CTNNA3: variants seen among roughly 807,000 people sequenced by gnomAD.
The protein encoded by CTNNA3 is catenin alpha-3.
A neutral mutation model predicts 95.7 loss-of-function variants in CTNNA3; 76 were observed. That is an observed-to-expected ratio of 0.79 (90% CI 0.66 to 0.96). The LOEUF (loss-of-function observed/expected upper bound fraction) is 0.96. Among genes scored for constraint, CTNNA3 ranks in the 40% least tolerant of loss-of-function variants. CTNNA3 has a pLI of 0.00. For synonymous variants in CTNNA3, 431 were observed against 374.4 expected (o/e 1.15, Z -1.74); for missense variants, 1,191 against 1,089.8 (o/e 1.09, Z -1.31).
At chr10:67,286,306 C>T (rs1589127030) in intron 5 of CTNNA3, among the ~76,000 whole-genome samples, 1 of 152,266 alleles carries the variant, frequency 6.6e-6, no homozygotes, top group South Asian at 2.1e-4. Context: ...TTTTAAATGA[C>T]CATGTGTGGG....
At chr10:67,749,331 C>T (rs1350344628) in intron 1 of CTNNA3, among the ~76,000 whole-genome samples, 1 of 152,182 alleles carries the variant, frequency 6.6e-6, no homozygotes, top group African/African-American at 2.4e-5. Context: ...ATCTACAGAA[C>T]TCTCCATCCA....
At chr10:66,501,286 T>C (rs369311026) in intron 11 of CTNNA3, among the ~76,000 whole-genome samples, 1 of 152,178 alleles carries the variant, frequency 6.6e-6, no homozygotes, top group Non-Finnish European at 1.5e-5. Flanking sequence ...ATTGCCAATA[T>C]ATGAAATAGT....
At chr10:66,640,660 T>C (rs17274526) in intron 9 of CTNNA3, among the ~76,000 whole-genome samples, 18,980 of 152,148 alleles carry the variant, frequency 0.12, 1,338 homozygotes, top group Middle Eastern at 0.23. Context: ...AACAGAATAC[T>C]CATTTTTTCG....
chr10:66,143,743 C>T (rs527652115), intron 13 of CTNNA3, among the ~76,000 whole-genome samples: 5 of 152,190 alleles, frequency 3.3e-5, no homozygotes, highest in South Asian at 2.1e-4. Flanking sequence ...ATACCTTAAC[C>T]GCAGGTGGTC....
intron 5 of CTNNA3, among the ~76,000 whole-genome samples, chr10:67,470,337 T>C (rs984080198): frequency 6.6e-6 from 1 of 152,210 alleles, no homozygotes; most frequent in East Asian, 1.9e-4. Context: ...ATTTTCTTTA[T>C]CCATTCATCT....
chr10:67,686,686 C>T (rs1840738286), intron 1 of CTNNA3, among the ~76,000 whole-genome samples: 1 of 152,156 alleles, frequency 6.6e-6, no homozygotes. Context: ...TACCTGTAAA[C>T]AGTGAGGCCA....
At chr10:67,220,537 C>T (rs990643917) in intron 5 of CTNNA3, among the ~76,000 whole-genome samples, 6 of 151,886 alleles carry the variant, frequency 4.0e-5, no homozygotes, top group Non-Finnish European at 5.9e-5. Flanking sequence ...AACAAATATA[C>T]GAGATGATTT....
chr10:66,998,321 T>C (rs1851472587), intron 7 of CTNNA3, among the ~76,000 whole-genome samples: 1 of 152,120 alleles, frequency 6.6e-6, no homozygotes, highest in Non-Finnish European at 1.5e-5. Context: ...GGAATAAAAT[T>C]CAAAATAGAA....
chr10:66,902,060 C>A (rs545462385), intron 7 of CTNNA3, among the ~76,000 whole-genome samples: 16 of 152,262 alleles, frequency 1.1e-4, no homozygotes, highest in African/African-American at 3.4e-4. Flanking sequence ...CTCTCCACCC[C>A]AAATCAACAC....
chr10:66,398,771 C>A (rs2092998664), intron 11 of CTNNA3, among the ~76,000 whole-genome samples: 1 of 151,886 alleles, frequency 6.6e-6, no homozygotes, highest in Non-Finnish European at 1.5e-5. Context: ...TTTAAAAATG[C>A]AAAGAGTGCA....
intron 10 of CTNNA3, among the ~76,000 whole-genome samples, chr10:66,594,409 A>G (rs1484509189): frequency 6.6e-6 from 1 of 152,068 alleles, no homozygotes; most frequent in African/African-American, 2.4e-5. Context: ...GGATCTGATT[A>G]AATTCTTCCT....
chr10:66,052,400 G>A (rs537826564), intron 15 of CTNNA3, among the ~76,000 whole-genome samples: 11 of 151,904 alleles, frequency 7.2e-5, no homozygotes, highest in Admixed American at 5.9e-4. Flanking sequence ...TGAAATGAAG[G>A]ATGGGGAAGG....
intron 9 of CTNNA3, among the ~76,000 whole-genome samples, chr10:66,759,380 G>A (rs1222758733): frequency 3.9e-5 from 6 of 152,266 alleles, no homozygotes; most frequent in African/African-American, 1.4e-4. Flanking sequence ...CACCTAGCCA[G>A]GATTCAAACC....
At chr10:67,182,946 C>T (rs1862633395) in intron 6 of CTNNA3, among the ~76,000 whole-genome samples, 1 of 152,190 alleles carries the variant, frequency 6.6e-6, no homozygotes, top group African/African-American at 2.4e-5. Flanking sequence ...AAATGCTCAT[C>T]ATCACTGGCC....
intron 7 of CTNNA3, among the ~76,000 whole-genome samples, chr10:66,951,341 C>T (rs1476602951): frequency 1.3e-5 from 2 of 152,130 alleles, no homozygotes; most frequent in African/African-American, 2.4e-5. Flanking sequence ...GTCTCAAACT[C>T]CTGACCTCAG....
chr10:67,724,732 G>C (rs1299791534), intron 1 of CTNNA3, among the ~76,000 whole-genome samples: 1 of 152,106 alleles, frequency 6.6e-6, no homozygotes, highest in Non-Finnish European at 1.5e-5. Context: ...GAAGTACCTA[G>C]TATATTTTCC....
At chr10:66,156,691 T>C (rs1385029404) in intron 13 of CTNNA3, among the ~76,000 whole-genome samples, 3 of 151,154 alleles carry the variant, frequency 2.0e-5, no homozygotes, top group Non-Finnish European at 4.4e-5. Flanking sequence ...GCATTGGGAG[T>C]GGTCTTGGCA....
chr10:67,311,045 G>C (rs771500061), intron 5 of CTNNA3, among the ~76,000 whole-genome samples: 1 of 152,108 alleles, frequency 6.6e-6, no homozygotes, highest in African/African-American at 2.4e-5. Context: ...AAGGTAACTA[G>C]TATAAAGGAA....
chr10:66,957,050 A>C (rs1848829809), intron 7 of CTNNA3, among the ~76,000 whole-genome samples: 1 of 152,172 alleles, frequency 6.6e-6, no homozygotes, highest in South Asian at 2.1e-4. Context: ...AATGCTACCT[A>C]GCTCTGTCTA....
Sources: allele counts gnomAD v4.1 joint callset (sites outside exome capture counted in the v4.1 genomes callset), GRCh38; gene constraint gnomAD v4.1.1; transcripts MANE v1.5; gene names NCBI Gene and HGNC (gene_info 2026-07-23, HGNC 2026-07-21).